Variants in MGAM2 observed in about 807,000 individuals in gnomAD.
MGAM2 encodes the protein probable maltase-glucoamylase 2.
Under a neutral mutation model 96.1 loss-of-function variants are expected in MGAM2, and 98 were observed. That is an observed-to-expected ratio of 1.02 (90% CI 0.87 to 1.21). The LOEUF (loss-of-function observed/expected upper bound fraction) is 1.21, where lower values mean the gene tolerates loss of function less well. Ranked by LOEUF, MGAM2 falls within the 50% of genes most tolerant of loss-of-function variation. The probability of loss-of-function intolerance (pLI) is 0.00; values close to 1 mark genes in which losing one functional copy is unlikely to be tolerated. For synonymous variants in MGAM2, 749 were observed against 414.8 expected, an observed-to-expected ratio of 1.81 and a Z score of -9.79; for missense variants, 2,055 against 1,182.4, an observed-to-expected ratio of 1.74 and a Z score of -10.82.
chr7:142,118,742 A>G (rs1794459134), intron 2 of MGAM2, among the ~76,000 whole-genome samples: 1 of 152,220 alleles, frequency 6.6e-6, no homozygotes, highest in Non-Finnish European at 1.5e-5. Flanking sequence ...AAGAAAAAAC[A>G]GTAAGAAAAA....
At chr7:142,124,449 C>CATAAATTGCCAATACAATAA (rs1209260105) in intron 3 of MGAM2, among the ~76,000 whole-genome samples, 3 of 152,132 alleles carry the variant, frequency 2.0e-5, no homozygotes, top group African/African-American at 7.2e-5. Context: ...CAATACCATA[C>CATAAATTGCCAATACAATAA]AGCCTTAATA....
chr7:142,161,179 G>C lies in MGAM2; in HGVS notation c.2400G>C (p.Lys800Asn), dbSNP rs1795877901. Residue 800 changes from lysine to asparagine, a missense_variant, in exon 22 of 48, where the codon AAG (lysine) becomes AAC (asparagine). Lys to Asn is a moderately conservative substitution (Grantham distance 94). Transcript: ENST00000477922. ...CCTTGGACTATAAGAGAGAAGCAAA[G>C]GGGGAGCTGTACTGGGATGACGGTG... is the stretch of plus-strand genomic sequence containing the variant. ...IIALDYKREA[K>N]GELYWDDGVS... 1.4e-6 allele frequency: 1 copy of C among 702,618 alleles called. No individual in the cohort carries two copies. The highest frequency in any genetic ancestry group is 2.6e-6 in the Non-Finnish European group (1 of 384,808). The allele number at this position is 702,618 out of a possible 1,614,324, so 43.5% of individuals were successfully genotyped here.
chr7:142,171,046 G>C, intron 27 of MGAM2: 6 of 565,018 alleles, frequency 1.1e-5, no homozygotes, highest in Non-Finnish European at 1.9e-5. Flanking sequence ...CAAGGACCCA[G>C]AAAAGGAGCT....
chr7:142,221,483 C>A lies in MGAM2; in HGVS notation c.6972C>A (p.Phe2324Leu), dbSNP rs1189045743. Residue 2324 changes from phenylalanine to leucine, a missense_variant, in exon 48 of 48, where the codon TTC (phenylalanine) becomes TTA (leucine). Coordinates refer to ENST00000477922, the MANE Select transcript of MGAM2 (RefSeq NM_001293626.2). Reference sequence around the variant, plus strand: ...GCATGTTTCCAACAAGTAATACATTCACTACTGATAAAATTACTAATTTTA... The same window carrying A: ...GCATGTTTCCAACAAGTAATACATTAACTACTGATAAAATTACTAATTTTA... The part of the protein sequence containing the change: ...ILSMFPTSNT[F>L]TTDKITNFTT... 8.9e-6 allele frequency: 5 copies of A among 560,010 alleles called. No homozygotes were observed. Among genetic ancestry groups the A allele is most frequent in the Non-Finnish European group, 1.6e-5 (5 of 318,024 alleles). The allele number at this position is 560,010 out of a possible 1,614,324, so 34.7% of individuals were successfully genotyped here. A position where few individuals can be genotyped will look rare whatever the true frequency, so the allele number is the denominator to read the frequency against.
At chr7:142,142,522 G>GTGTTTTTT (rs1795259279) in intron 12 of MGAM2, among the ~76,000 whole-genome samples, 2 of 108,202 alleles carry the variant, frequency 1.8e-5, no homozygotes, top group African/African-American at 3.4e-5. Flanking sequence ...ATAGTGGTGT[G>GTGTTTTTT]TGTTTTTTTT....
At chr7:142,211,876 C>T (rs146470507) in intron 46 of MGAM2, among the ~76,000 whole-genome samples, 8 of 152,130 alleles carry the variant, frequency 5.3e-5, no homozygotes, top group Middle Eastern at 3.4e-3. Flanking sequence ...AGCAACCCCA[C>T]GACACATAAT....
chr7:142,219,381 T>C (rs534663201), intron 47 of MGAM2, among the ~76,000 whole-genome samples: 2 of 152,324 alleles, frequency 1.3e-5, no homozygotes, highest in African/African-American at 4.8e-5. Flanking sequence ...ACCTGGACTA[T>C]TGAGTTCAAA....
chr7:142,143,894 T>C lies in MGAM2; in HGVS notation c.1431+12T>C. On this transcript the variant is annotated intron_variant, in intron 13 of 47. Coordinates refer to ENST00000477922, the MANE Select transcript of MGAM2 (RefSeq NM_001293626.2). Reference sequence around the variant, plus strand: ...ATGGAGTGTGGATTGTAAGTTATTATTCCTGACTCAAATTTCCTTTGGAAA... The same window carrying C: ...ATGGAGTGTGGATTGTAAGTTATTACTCCTGACTCAAATTTCCTTTGGAAA... 1.4e-6 allele frequency: 1 copy of C among 701,950 alleles called. No homozygotes were observed. Among genetic ancestry groups the C allele is most frequent in the Non-Finnish European group, 2.6e-6 (1 of 384,610 alleles). 43.5% of individuals were successfully genotyped at this position (701,950 alleles called of 1,614,324 possible).
intron 6 of MGAM2, among the ~76,000 whole-genome samples, 182 bp downstream of exon 6, chr7:142,132,267 A>G (rs1367135470): frequency 4.0e-5 from 6 of 150,284 alleles, no homozygotes; most frequent in Non-Finnish European, 4.4e-5. Flanking sequence ...AAAACAGAGA[A>G]TACTAAAAGG....
chr7:142,196,912 C>A lies in MGAM2; in HGVS notation c.4632+96C>A, dbSNP rs370112548. The A allele has an allele frequency of 1.4e-4, 86 of 623,554 alleles. 1 individual carries two copies. The East Asian group carries it at 1.5e-3, about 11-fold the overall frequency. The allele number at this position is 623,554 out of a possible 1,614,324, so 38.6% of individuals were successfully genotyped here. Reference sequence around the variant, plus strand: ...ATTATACTCATTTCCTGAGAAAAATCAAAAAACATCACCAGAATCTTAATT... The same window carrying A: ...ATTATACTCATTTCCTGAGAAAAATAAAAAAACATCACCAGAATCTTAATT... On this transcript the variant is annotated intron_variant, in intron 40 of 47. Coordinates refer to ENST00000477922, the MANE Select transcript of MGAM2 (RefSeq NM_001293626.2).
chr7:142,210,935 A>G (rs1188901931), intron 46 of MGAM2, among the ~76,000 whole-genome samples: 1 of 152,184 alleles, frequency 6.6e-6, no homozygotes, highest in Non-Finnish European at 1.5e-5. Context: ...CTCATACAGG[A>G]GAGCTCCAGC....
intron 13 of MGAM2, 76 bp downstream of exon 13, chr7:142,143,958 T>A (rs1271954091): frequency 1.5e-6 from 1 of 683,482 alleles, no homozygotes; most frequent in Non-Finnish European, 2.7e-6. Flanking sequence ...TTGACCTTGA[T>A]GTCAAATAAA....
intron 1 of MGAM2, among the ~76,000 whole-genome samples, chr7:142,114,134 A>AAAGAAAG (rs1817273224): frequency 2.7e-5 from 3 of 110,574 alleles, no homozygotes; most frequent in Admixed American, 1.0e-4. Flanking sequence ...CCATCTCAAA[A>AAAGAAAG]AAAGAAAGAA....
At chr7:142,177,645 A>G (rs1796417177) in intron 32 of MGAM2, among the ~76,000 whole-genome samples, 1 of 152,134 alleles carries the variant, frequency 6.6e-6, no homozygotes, top group South Asian at 2.1e-4. Flanking sequence ...TCCTGCATTA[A>G]TTCACTTAGA....
At chr7:142,124,215 G>A (rs572067514) in intron 3 of MGAM2, among the ~76,000 whole-genome samples, 8 of 151,808 alleles carry the variant, frequency 5.3e-5, no homozygotes. Flanking sequence ...CTTGTGATCC[G>A]CCCACCTCAG....
rs1182365721 is a variant in MGAM2, at chr7:142,134,008, G to C, written c.603G>C (p.Gln201His). 1.4e-6 allele frequency: 1 copy of C among 724,150 alleles called. No individual in the cohort carries two copies. Among genetic ancestry groups the C allele is most frequent in the African/African-American group, 1.7e-5 (1 of 58,136 alleles). The allele number at this position is 724,150 out of a possible 1,614,324, so 44.9% of individuals were successfully genotyped here. Reference sequence around the variant, plus strand: ...TGGACACGAGCATCGGGCCCCTCCAGTTTGCCCAGCAGTACCTGCAACTGT... The same window carrying C: ...TGGACACGAGCATCGGGCCCCTCCACTTTGCCCAGCAGTACCTGCAACTGT... ...VLLDTSIGPL[Q>H]FAQQYLQLSF... is the part of the protein sequence containing the mutation. Residue 201 changes from glutamine (Q) to histidine (H), a missense_variant, in exon 7 of 48, where the codon CAG becomes CAC. Gln to His is a conservative substitution (Grantham distance 24). Coordinates refer to ENST00000477922, the MANE Select transcript of MGAM2 (RefSeq NM_001293626.2).
At position 142,133,555 on chromosome 7, in the gene MGAM2, C is replaced by T. The variant is rs1017788230; in HGVS notation, c.576-426C>T. Among the ~76,000 whole-genome samples, 35 of 152,040 alleles carry T rather than the reference C, an allele frequency of 2.3e-4. 1 individual carries two copies. Among genetic ancestry groups the T allele is most frequent in the Admixed American group, 1.8e-3 (27 of 15,250 alleles). ...GTCTGTAAAACCAGTATTCACATCC[C>T]GGTACCAGCAGATCAACAGTCAGCT... is the stretch of plus-strand genomic sequence containing the variant. On this transcript the variant is annotated intron_variant, in intron 6 of 47. Transcript: ENST00000477922.
chr7:142,208,639 A>G lies in MGAM2; in HGVS notation c.5187+17A>G. The G allele has an allele frequency of 1.4e-6, 1 of 701,686 alleles. No individual in the cohort carries two copies. The highest frequency in any genetic ancestry group is 2.3e-4 in the Middle Eastern group (1 of 4,338). 43.5% of individuals were successfully genotyped at this position (701,686 alleles called of 1,614,324 possible). A position where few individuals can be genotyped will look rare whatever the true frequency, so the allele number is the denominator to read the frequency against. ...GCAGCTCAGGTAAGACTAATTTACT[A>G]CATTTTACAAATCTTTTCCCAGGTG... On this transcript the variant is annotated intron_variant, in intron 46 of 47. Transcript: ENST00000477922.
intron 1 of MGAM2, among the ~76,000 whole-genome samples, chr7:142,112,831 A>G (rs754182547): frequency 2.0e-5 from 3 of 152,218 alleles, no homozygotes; most frequent in South Asian, 4.1e-4. Context: ...TATAGGGATT[A>G]GAGTATATCT....
Sources: allele counts gnomAD v4.1 joint callset (sites outside exome capture counted in the v4.1 genomes callset), GRCh38; gene constraint gnomAD v4.1.1; transcripts MANE v1.5; gene names NCBI Gene and HGNC (gene_info 2026-07-23, HGNC 2026-07-21).